The following UNC79 variants were observed in gnomAD, a reference collection of about 807,000 sequenced individuals.
UNC79 encodes the protein unc-79 subunit of NALCN channel complex.
UNC79 carries 37 observed loss-of-function variants against 283.1 expected under a neutral mutation model. That is an observed-to-expected ratio of 0.13 (90% CI 0.10 to 0.17). The LOEUF (loss-of-function observed/expected upper bound fraction) is 0.17. Among genes scored for constraint, UNC79 ranks in the 10% least tolerant of loss-of-function variants. The pLI is 1.00. For missense variants in UNC79, 2,272 were observed against 3,211.1 expected (o/e 0.71, Z 7.07); for synonymous variants, 1,107 against 1,200.2 (o/e 0.92, Z 1.61).
chr14:93,673,462 T>G lies in UNC79; in HGVS notation c.6741+7T>G. 1 of 1,609,138 alleles carries G rather than the reference T, an allele frequency of 6.2e-7. No homozygotes were observed. The highest frequency in any genetic ancestry group is 8.5e-7 in the Non-Finnish European group (1 of 1,178,546). On this transcript the variant is annotated splice_region_variant and intron_variant, in intron 41 of 48. Transcript: ENST00000555664. ...CCTTCTTCTGCTTGTTCAGGTAAGC[T>G]CATGCTTGATTTGTAAAACTTTTCA... is the stretch of plus-strand genomic sequence containing the variant.
At chr14:93,381,222 C>A (rs2054658153) in intron 1 of UNC79, among the ~76,000 whole-genome samples, 2 of 152,170 alleles carry the variant, frequency 1.3e-5, no homozygotes, top group Admixed American at 6.6e-5. Flanking sequence ...AGCTGACGAA[C>A]TACTTCTAGC....
At chr14:93,397,576 A>G (rs898314281) in intron 1 of UNC79, among the ~76,000 whole-genome samples, 4 of 152,078 alleles carry the variant, frequency 2.6e-5, no homozygotes, top group South Asian at 2.1e-4. Context: ...CCTGGGCCCT[A>G]TGGTTCCTGC....
intron 27 of UNC79, among the ~76,000 whole-genome samples, chr14:93,615,720 C>CAAAAAAAAAAAAAAAAAAAA (rs1158073507): frequency 1.3e-4 from 3 of 23,292 alleles, no homozygotes; most frequent in Non-Finnish European, 2.1e-4. Flanking sequence ...GACTCCATCT[C>CAAAAAAAAAAAAAAAAAAAA]AAAAAAAAAA....
At chr14:93,391,989 A>C (rs1355061969) in intron 1 of UNC79, among the ~76,000 whole-genome samples, 3 of 152,204 alleles carry the variant, frequency 2.0e-5, no homozygotes, top group Admixed American at 6.5e-5. Context: ...TAGAAGGGTA[A>C]ATTGGCACAA....
chr14:93,653,689 C>A, intron 35 of UNC79, 53 bp from the exon 39 acceptor site: 1 of 1,514,126 alleles, frequency 6.6e-7, no homozygotes, highest in Non-Finnish European at 9.1e-7. Context: ...AATATCTGAA[C>A]ACCTGCTCAC....
intron 1 of UNC79, among the ~76,000 whole-genome samples, chr14:93,424,580 T>C (rs986520386): frequency 2.0e-5 from 3 of 152,036 alleles, no homozygotes; most frequent in African/African-American, 7.2e-5. Context: ...GAACTAGAAG[T>C]CATTATGCTA....
At chr14:93,506,218 T>C (rs995839420) in intron 7 of UNC79, among the ~76,000 whole-genome samples, 36 of 151,300 alleles carry the variant, frequency 2.4e-4, no homozygotes, top group African/African-American at 8.6e-4. Context: ...TTTCTCATTG[T>C]ATACAATTTT....
chr14:93,384,052 G>A lies in UNC79; in HGVS notation c.-351+50529G>A, dbSNP rs149313556. 1.4e-4 allele frequency among the ~76,000 whole-genome samples: 22 copies of A among 152,282 alleles called. No homozygotes were observed. The East Asian group carries it at 4.1e-3, about 28-fold the overall frequency. On this transcript the variant is annotated intron_variant, in intron 1 of 49. Transcript: ENST00000256339. Reference sequence around the variant, plus strand: ...TCTTTTGTAAATTGCCCAGTCTTGGGTATGCATTTATCAGCAGCATGAAAA... The same window carrying A: ...TCTTTTGTAAATTGCCCAGTCTTGGATATGCATTTATCAGCAGCATGAAAA...
At chr14:93,397,513 G>A (rs1343174011) in intron 1 of UNC79, among the ~76,000 whole-genome samples, 1 of 152,196 alleles carries the variant, frequency 6.6e-6, no homozygotes, top group African/African-American at 2.4e-5. Flanking sequence ...TTCCAAGGCT[G>A]TAGTGTTTCT....
At chr14:93,473,574 A>G (rs960184666) in intron 2 of UNC79, among the ~76,000 whole-genome samples, 1 of 152,236 alleles carries the variant, frequency 6.6e-6, no homozygotes, top group African/African-American at 2.4e-5. Context: ...GTGATTTTTA[A>G]GACTTTCTTA....
exon 20 of UNC79, chr14:93,582,301 T>C (rs2063876520): frequency 3.1e-6 from 5 of 1,614,122 alleles, no homozygotes; most frequent in East Asian, 4.5e-5. Flanking sequence ...CAAGCAAGCA[T>C]GGGGAGAACC....
intron 34 of UNC79, 110 bp downstream of exon 37, chr14:93,643,807 T>G: frequency 1.4e-6 from 2 of 1,453,068 alleles, no homozygotes; most frequent in South Asian, 1.3e-5. Flanking sequence ...TTGTAGATAC[T>G]GGTATTTGTG....
At chr14:93,336,093 C>G (rs2053573490) in intron 1 of UNC79, among the ~76,000 whole-genome samples, 1 of 152,170 alleles carries the variant, frequency 6.6e-6, no homozygotes, top group Non-Finnish European at 1.5e-5. Context: ...TTTTACCACA[C>G]ATAACCATCC....
At chr14:93,395,307 T>C (rs1227155714) in intron 1 of UNC79, among the ~76,000 whole-genome samples, 1 of 152,204 alleles carries the variant, frequency 6.6e-6, no homozygotes. Flanking sequence ...AAAAAACTAT[T>C]GTAGACTAGG....
At chr14:93,637,701 A>C (rs1233805497) in intron 32 of UNC79, among the ~76,000 whole-genome samples, 1 of 152,122 alleles carries the variant, frequency 6.6e-6, no homozygotes, top group Admixed American at 6.5e-5. Context: ...CAGGTGATCC[A>C]CCTGCCTCGA....
At chr14:93,635,165 C>T (rs1458885507) in intron 31 of UNC79, among the ~76,000 whole-genome samples, 1 of 152,112 alleles carries the variant, frequency 6.6e-6, no homozygotes, top group Non-Finnish European at 1.5e-5. Flanking sequence ...CATCTAACCT[C>T]AATTTTAAAG....
chr14:93,662,676 G>A, exon 40 of UNC79: 1 of 1,611,518 alleles, frequency 6.2e-7, no homozygotes, highest in Non-Finnish European at 8.5e-7. Context: ...GGCCTACCTG[G>A]TGGAGCTGTG....
At chr14:93,701,283 AT>A (rs1387622764) in intron 47 of UNC79, among the ~76,000 whole-genome samples, 1 of 152,066 alleles carries the variant, frequency 6.6e-6, no homozygotes, top group Non-Finnish European at 1.5e-5. Context: ...GTTTGTCTGG[AT>A]TTTTAGTTGT....
chr14:93,700,266 C>T (rs1253512953), intron 47 of UNC79, among the ~76,000 whole-genome samples: 2 of 151,840 alleles, frequency 1.3e-5, no homozygotes, highest in Non-Finnish European at 2.9e-5. Flanking sequence ...CTTCATATTT[C>T]TGGTGCTTGG....
Sources: allele counts gnomAD v4.1 joint callset (sites outside exome capture counted in the v4.1 genomes callset), GRCh38; gene constraint gnomAD v4.1.1; transcripts MANE v1.5; gene names NCBI Gene and HGNC (gene_info 2026-07-23, HGNC 2026-07-21).